Variants in CNTNAP2 observed in about 807,000 individuals in gnomAD.
The protein encoded by CNTNAP2 is contactin-associated protein-like 2.
In CNTNAP2, 98 loss-of-function variants were observed where a neutral mutation model predicts 155.2. That is an observed-to-expected ratio of 0.63 (90% CI 0.54 to 0.75). CNTNAP2 has a LOEUF of 0.75. Among genes scored for constraint, CNTNAP2 ranks in the 30% least tolerant of loss-of-function variants. The probability of loss-of-function intolerance (pLI) is 0.00; values close to 1 mark genes in which losing one functional copy is unlikely to be tolerated. For synonymous variants in CNTNAP2, 651 were observed against 631.2 expected, an observed-to-expected ratio of 1.03 and a Z score of -0.47; for missense variants, 1,727 against 1,688.1, an observed-to-expected ratio of 1.02 and a Z score of -0.40.
chr7:146,316,131 TTTTG>T (rs1303825977), intron 1 of CNTNAP2, among the ~76,000 whole-genome samples: 21 of 152,344 alleles, frequency 1.4e-4, no homozygotes, highest in Non-Finnish European at 2.5e-4. Flanking sequence ...GTATTAATTA[TTTTG>T]TTTATCAAGT....
intron 1 of CNTNAP2, among the ~76,000 whole-genome samples, chr7:146,488,159 G>A (rs1163524951): frequency 2.0e-5 from 3 of 151,648 alleles, no homozygotes; most frequent in Non-Finnish European, 4.4e-5. Context: ...TCAGACACGC[G>A]GCTTGCTCTT....
intron 1 of CNTNAP2, among the ~76,000 whole-genome samples, chr7:146,585,412 A>C (rs1287312784): frequency 1.3e-5 from 2 of 151,984 alleles, no homozygotes; most frequent in African/African-American, 4.8e-5. Flanking sequence ...GAGCTACCGC[A>C]CCCGGCCTAA....
At chr7:146,360,849 G>A (rs1028173820) in intron 1 of CNTNAP2, among the ~76,000 whole-genome samples, 2 of 152,156 alleles carry the variant, frequency 1.3e-5, no homozygotes, top group African/African-American at 4.8e-5. Context: ...GTATCCCCTT[G>A]AAGTGGCACT....
chr7:147,350,140 A>G (rs774960020), intron 9 of CNTNAP2, among the ~76,000 whole-genome samples: 4 of 151,924 alleles, frequency 2.6e-5, no homozygotes, highest in Non-Finnish European at 2.9e-5. Flanking sequence ...GGTGTTATAG[A>G]AATAACTGAA....
chr7:147,732,241 A>G (rs570687726), intron 13 of CNTNAP2, among the ~76,000 whole-genome samples: 2 of 129,560 alleles, frequency 1.5e-5, no homozygotes, highest in East Asian at 5.0e-4. Context: ...CCTGTGTCCA[A>G]GTGTTCTCAT....
At chr7:147,848,794 A>G (rs1798864690) in intron 13 of CNTNAP2, among the ~76,000 whole-genome samples, 1 of 152,216 alleles carries the variant, frequency 6.6e-6, no homozygotes, top group South Asian at 2.1e-4. Context: ...TAAATACCAT[A>G]GAACAAAAAT....
At chr7:146,824,373 A>G (rs1803359047) in intron 2 of CNTNAP2, among the ~76,000 whole-genome samples, 1 of 152,102 alleles carries the variant, frequency 6.6e-6, no homozygotes, top group Admixed American at 6.6e-5. Flanking sequence ...TTTACAGTAG[A>G]ATGATTTATA....
intron 1 of CNTNAP2, among the ~76,000 whole-genome samples, chr7:146,716,945 A>G (rs1801198700): frequency 6.6e-6 from 1 of 152,210 alleles, no homozygotes. Flanking sequence ...GGGGGCCTCA[A>G]TTATATCTAG....
chr7:146,408,107 C>T (rs1483630704), intron 1 of CNTNAP2, among the ~76,000 whole-genome samples: 1 of 151,996 alleles, frequency 6.6e-6, no homozygotes, highest in Non-Finnish European at 1.5e-5. Context: ...GGAGTCAGAA[C>T]CACAATCCCC....
intron 1 of CNTNAP2, among the ~76,000 whole-genome samples, chr7:146,608,708 A>C (rs1385211316): frequency 6.6e-6 from 1 of 152,094 alleles, no homozygotes; most frequent in African/African-American, 2.4e-5. Context: ...TCTTCTGATC[A>C]ATTGTATATT....
chr7:148,365,536 G>A (rs552469633), intron 21 of CNTNAP2, among the ~76,000 whole-genome samples: 47 of 152,046 alleles, frequency 3.1e-4, no homozygotes, highest in African/African-American at 1.1e-3. Flanking sequence ...ATGGTAGAAT[G>A]TGCCTGTAAT....
At chr7:148,098,080 C>G (rs1210172518) in intron 15 of CNTNAP2, among the ~76,000 whole-genome samples, 1 of 152,090 alleles carries the variant, frequency 6.6e-6, no homozygotes, top group Non-Finnish European at 1.5e-5. Context: ...GGGAAAAAGA[C>G]AGCCCTGCAG....
intron 1 of CNTNAP2, among the ~76,000 whole-genome samples, chr7:146,186,924 T>C (rs960079913): frequency 1.3e-5 from 2 of 152,172 alleles, no homozygotes; most frequent in Admixed American, 6.6e-5. Context: ...AAGAACCTAG[T>C]AAATATTAAA....
At chr7:146,736,519 A>G (rs1441185811) in intron 1 of CNTNAP2, among the ~76,000 whole-genome samples, 1 of 152,130 alleles carries the variant, frequency 6.6e-6, no homozygotes, top group African/African-American at 2.4e-5. Context: ...AACTGTTGTT[A>G]TTTACCTATC....
chr7:146,476,796 T>C (rs984861673), intron 1 of CNTNAP2, among the ~76,000 whole-genome samples: 1 of 152,184 alleles, frequency 6.6e-6, no homozygotes, highest in East Asian at 1.9e-4. Flanking sequence ...AGTACAACCT[T>C]AGATAAAATC....
At chr7:147,277,415 A>G (rs1233807480) in intron 8 of CNTNAP2, among the ~76,000 whole-genome samples, 1 of 151,978 alleles carries the variant, frequency 6.6e-6, no homozygotes, top group Non-Finnish European at 1.5e-5. Flanking sequence ...ATAGCATTAC[A>G]AAGCTAAAGA....
chr7:147,427,501 G>A lies in CNTNAP2; in HGVS notation c.1670+31721G>A, dbSNP rs192835008. 3.3e-5 allele frequency among the ~76,000 whole-genome samples: 5 copies of A among 152,204 alleles called. No individual in the cohort carries two copies. The East Asian group carries it at 9.7e-4, about 29-fold the overall frequency. Reference sequence around the variant, plus strand: ...ATGTGAGAAAGTTTAACAATAGTTTGGATAAAATGTAGAAATAAAACCAGG... The same window carrying A: ...ATGTGAGAAAGTTTAACAATAGTTTAGATAAAATGTAGAAATAAAACCAGG... On this transcript the variant is annotated intron_variant, in intron 10 of 23. Coordinates refer to ENST00000361727, the MANE Select transcript of CNTNAP2 (RefSeq NM_014141.6).
chr7:148,126,473 G>A (rs1679482979), intron 16 of CNTNAP2, among the ~76,000 whole-genome samples: 2 of 152,208 alleles, frequency 1.3e-5, no homozygotes, highest in South Asian at 2.1e-4. Flanking sequence ...GTGGAAAGGT[G>A]GAAGGACAGG....
At chr7:147,989,524 G>T (rs1303340892) in intron 15 of CNTNAP2, among the ~76,000 whole-genome samples, 2 of 152,144 alleles carry the variant, frequency 1.3e-5, no homozygotes, top group Non-Finnish European at 2.9e-5. Context: ...AAAGTGGCAG[G>T]CTTGATATCA....
Sources: allele counts gnomAD v4.1 joint callset (sites outside exome capture counted in the v4.1 genomes callset), GRCh38; gene constraint gnomAD v4.1.1; transcripts MANE v1.5; gene names NCBI Gene and HGNC (gene_info 2026-07-23, HGNC 2026-07-21).